Variants in SSBP2 observed in about 807,000 individuals in gnomAD.
SSBP2 encodes the protein single stranded DNA binding protein 2, also known as single-stranded DNA-binding protein 2.
Under a neutral mutation model 61.8 loss-of-function variants are expected in SSBP2, and 17 were observed. That is an observed-to-expected ratio of 0.28 (90% confidence interval 0.19 to 0.41). The LOEUF is 0.41. SSBP2 is among the 10% of genes least tolerant of loss of function. The pLI is 1.00. For synonymous variants in SSBP2, 139 were observed against 141.3 expected, an observed-to-expected ratio of 0.98 and a Z score of 0.12; for missense variants, 310 against 458.7, an observed-to-expected ratio of 0.68 and a Z score of 2.96.
intron 10 of SSBP2, among the ~76,000 whole-genome samples, chr5:81,459,981 C>A (rs1409092696): frequency 1.3e-5 from 2 of 152,136 alleles, no homozygotes; most frequent in Non-Finnish European, 2.9e-5. Context: ...AATTACTTAG[C>A]AAACATCGTA....
At chr5:81,538,491 G>A (rs539524377) in intron 4 of SSBP2, among the ~76,000 whole-genome samples, 1 of 152,322 alleles carries the variant, frequency 6.6e-6, no homozygotes, top group East Asian at 1.9e-4. Flanking sequence ...ACTGATTATG[G>A]TGGTTATACC....
At chr5:81,713,357 T>C (rs1040601506) in intron 1 of SSBP2, among the ~76,000 whole-genome samples, 2 of 151,666 alleles carry the variant, frequency 1.3e-5, no homozygotes, top group Non-Finnish European at 2.9e-5. Flanking sequence ...AGCAAAAGAC[T>C]TGGAGATTTA....
chr5:81,658,530 T>C (rs1465340454), intron 1 of SSBP2, among the ~76,000 whole-genome samples: 1 of 152,176 alleles, frequency 6.6e-6, no homozygotes, highest in Non-Finnish European at 1.5e-5. Flanking sequence ...ATGTAAATGC[T>C]ATACAGTTAT....
chr5:81,477,977 C>A (rs1376105230), intron 6 of SSBP2, among the ~76,000 whole-genome samples: 1 of 151,980 alleles, frequency 6.6e-6, no homozygotes, highest in Non-Finnish European at 1.5e-5. Flanking sequence ...ACTGAATAGG[C>A]ATGAAATTAG....
At chr5:81,529,856 T>C (rs1353224878) in intron 4 of SSBP2, among the ~76,000 whole-genome samples, 1 of 152,120 alleles carries the variant, frequency 6.6e-6, no homozygotes, top group Non-Finnish European at 1.5e-5. Context: ...CAATGAGTGA[T>C]AGAGAATTAT....
chr5:81,549,565 C>CTT, intron 4 of SSBP2, among the ~76,000 whole-genome samples: 1 of 152,314 alleles, frequency 6.6e-6, no homozygotes, highest in African/African-American at 2.4e-5. Flanking sequence ...AAGCAAAACT[C>CTT]TAAGCCCTTT....
At chr5:81,626,575 G>A (rs990834814) in intron 3 of SSBP2, among the ~76,000 whole-genome samples, 4 of 152,170 alleles carry the variant, frequency 2.6e-5, no homozygotes, top group Admixed American at 1.3e-4. Flanking sequence ...AGCAGCATCA[G>A]CTATTATAAG....
chr5:81,446,757 T>A, intron 12 of SSBP2, 111 bp downstream of exon 12: 1 of 1,033,950 alleles, frequency 9.7e-7, no homozygotes, highest in Admixed American at 2.9e-5. Flanking sequence ...TCTACTCCTT[T>A]AACTATCGTG....
chr5:81,714,788 A>G (rs145359350), intron 1 of SSBP2, among the ~76,000 whole-genome samples: 3,794 of 152,206 alleles, frequency 0.025, 174 homozygotes, highest in African/African-American at 0.087. Flanking sequence ...TAGATTCTGG[A>G]TATTAGCGCT....
chr5:81,419,796 T>C lies in SSBP2; in HGVS notation c.*708A>G, dbSNP rs1729268346. The C allele has an allele frequency of 1.3e-5, 2 of 152,180 alleles. No individual in the cohort carries two copies. The highest frequency in any genetic ancestry group is 2.4e-5 in the African/African-American group (1 of 41,442). The allele number at this position is 152,180 out of a possible 1,614,324, so 9.4% of individuals were successfully genotyped here. ...ACTGATTTGAAGTGTTTTTCTCAAA[T>C]AAAAATTAAAAAAATACTTTTCACT... On this transcript the variant is annotated 3_prime_UTR_variant, in exon 17 of 17. Transcript: ENST00000320672.
chr5:81,512,420 TAGTTAGC>T (rs1422846366), intron 5 of SSBP2, among the ~76,000 whole-genome samples: 1 of 152,198 alleles, frequency 6.6e-6, no homozygotes, highest in African/African-American at 2.4e-5. Context: ...GCATGGCATG[TAGTTAGC>T]AGTTGTTAAG....
intron 4 of SSBP2, among the ~76,000 whole-genome samples, chr5:81,570,887 G>A (rs1029875618): frequency 1.3e-5 from 2 of 152,108 alleles, no homozygotes; most frequent in African/African-American, 4.8e-5. Flanking sequence ...TTTGTAGCAA[G>A]TCCAATTATT....
At chr5:81,481,801 T>A in intron 6 of SSBP2, among the ~76,000 whole-genome samples, 1 of 151,522 alleles carries the variant, frequency 6.6e-6, no homozygotes, top group Non-Finnish European at 1.5e-5. Flanking sequence ...CAAGGAGTAG[T>A]AAAAAATAAA....
chr5:81,442,502 C>T (rs1406361334), intron 13 of SSBP2, 151 bp downstream of exon 13: 2 of 502,760 alleles, frequency 4.0e-6, no homozygotes, highest in East Asian at 3.7e-5. Flanking sequence ...TTTTTTTAAC[C>T]CAGCTCAGAG....
At chr5:81,623,247 A>G (rs1007908220) in intron 3 of SSBP2, among the ~76,000 whole-genome samples, 2 of 151,700 alleles carry the variant, frequency 1.3e-5, no homozygotes, top group African/African-American at 2.4e-5. Context: ...TTCTTTCCTA[A>G]TTTCCCTAAT....
At chr5:81,635,068 T>C (rs1161925481) in intron 3 of SSBP2, among the ~76,000 whole-genome samples, 3 of 152,208 alleles carry the variant, frequency 2.0e-5, no homozygotes, top group African/African-American at 7.2e-5. Flanking sequence ...AGACACTGAG[T>C]AAGTATTTGT....
At chr5:81,719,859 G>C (rs919513928) in intron 1 of SSBP2, among the ~76,000 whole-genome samples, 2 of 152,156 alleles carry the variant, frequency 1.3e-5, no homozygotes, top group African/African-American at 4.8e-5. Flanking sequence ...CAGGGTGTAA[G>C]AACCATCCCT....
At chr5:81,750,527 C>A (rs1757683312) in intron 1 of SSBP2, among the ~76,000 whole-genome samples, 1 of 145,780 alleles carries the variant, frequency 6.9e-6, no homozygotes, top group Non-Finnish European at 1.5e-5. Flanking sequence ...CCCGCCCCGA[C>A]CCCGGCCCCG....
chr5:81,442,408 A>G (rs529038835), intron 13 of SSBP2, among the ~76,000 whole-genome samples: 112 of 152,226 alleles, frequency 7.4e-4, no homozygotes, highest in African/African-American at 2.6e-3. Context: ...CAATAAAATA[A>G]GATGAAACTA....
Sources: allele counts gnomAD v4.1 joint callset (sites outside exome capture counted in the v4.1 genomes callset), GRCh38; gene constraint gnomAD v4.1.1; transcripts MANE v1.5; gene names NCBI Gene and HGNC (gene_info 2026-07-23, HGNC 2026-07-21).